The following NCKAP5 variants were observed in gnomAD, a reference collection of about 807,000 sequenced individuals.
NCKAP5 encodes NCK associated protein 5.
A neutral mutation model predicts 167.0 loss-of-function variants in NCKAP5; 92 were observed. The ratio of observed to expected loss-of-function variants is 0.55; its 90% CI spans 0.47 to 0.66. The LOEUF (loss-of-function observed/expected upper bound fraction) is 0.66. Among genes scored for constraint, NCKAP5 ranks in the 30% least tolerant of loss-of-function variants. The pLI is 0.00. For missense variants in NCKAP5, 2,378 were observed against 2,315.0 expected (o/e 1.03, Z -0.56); for synonymous variants, 891 against 877.4 (o/e 1.02, Z -0.27).
chr2:132,723,338 A>G (rs2105410036), intron 19 of NCKAP5, among the ~76,000 whole-genome samples: 1 of 151,314 alleles, frequency 6.6e-6, no homozygotes, highest in Non-Finnish European at 1.5e-5. Context: ...TAATTTTTGT[A>G]TTTTTAGTAG....
chr2:132,940,751 C>T (rs186352544), intron 8 of NCKAP5, among the ~76,000 whole-genome samples: 2 of 150,442 alleles, frequency 1.3e-5, no homozygotes, highest in African/African-American at 4.9e-5. Context: ...CTAATCATGC[C>T]ACAAGATTAT....
the NCKAP5 span, among the ~76,000 whole-genome samples, chr2:133,581,103 T>C: frequency 6.6e-6 from 1 of 152,196 alleles, no homozygotes; most frequent in Non-Finnish European, 1.5e-5. Flanking sequence ...AAGAATGATC[T>C]CATCACAAAT....
At chr2:133,239,071 A>G (rs1308713226) in intron 4 of NCKAP5, among the ~76,000 whole-genome samples, 1 of 152,258 alleles carries the variant, frequency 6.6e-6, no homozygotes, top group Non-Finnish European at 1.5e-5. Flanking sequence ...TTGGATTCCT[A>G]TAAATATGGG....
At chr2:133,418,698 G>A (rs868825329) in intron 3 of NCKAP5, among the ~76,000 whole-genome samples, 5 of 152,150 alleles carry the variant, frequency 3.3e-5, no homozygotes, top group Non-Finnish European at 7.3e-5. Flanking sequence ...TGATTAAACT[G>A]TGACCTCTGC....
intron 19 of NCKAP5, among the ~76,000 whole-genome samples, chr2:132,685,886 C>T (rs116708300): frequency 1.4e-3 from 207 of 152,262 alleles, no homozygotes; most frequent in African/African-American, 4.8e-3. Flanking sequence ...CTATGGACAG[C>T]TGAAGACACA....
chr2:132,756,081 T>C (rs1402766227), intron 16 of NCKAP5, among the ~76,000 whole-genome samples: 1 of 151,990 alleles, frequency 6.6e-6, no homozygotes, highest in African/African-American at 2.4e-5. Flanking sequence ...AAGGGAGAAC[T>C]GGAGGAGGCC....
chr2:132,971,828 A>G (rs1006036850), intron 7 of NCKAP5, among the ~76,000 whole-genome samples: 1 of 152,180 alleles, frequency 6.6e-6, no homozygotes, highest in Non-Finnish European at 1.5e-5. Context: ...CGGCTTGTTT[A>G]AAACGCAGAT....
chr2:132,684,216 G>T (rs541681013), intron 19 of NCKAP5, among the ~76,000 whole-genome samples: 1 of 152,312 alleles, frequency 6.6e-6, no homozygotes, highest in South Asian at 2.1e-4. Flanking sequence ...AAGTATGTCT[G>T]CCCTGCATGG....
rs115569780 is a variant in NCKAP5, at chr2:132,798,279, G to A, written c.808-1550C>T. ...TCTCATCTTGCAATCTCCGGAACCC[G>A]ACAAAATACATCATACTTAGTAAGC... On this transcript the variant is annotated intron_variant, in intron 11 of 19. Transcript: ENST00000409261. Among the ~76,000 whole-genome samples, 194 of 152,224 alleles carry A rather than the reference G, an allele frequency of 1.3e-3. 1 individual carries two copies. Among genetic ancestry groups the A allele is most frequent in the African/African-American group, 4.5e-3 (187 of 41,540 alleles).
chr2:133,210,108 T>C (rs1260142621), intron 5 of NCKAP5, among the ~76,000 whole-genome samples: 1 of 151,370 alleles, frequency 6.6e-6, no homozygotes, highest in Non-Finnish European at 1.5e-5. Context: ...GAGGTCGCAG[T>C]GAGCCGAGAC....
intron 3 of NCKAP5, among the ~76,000 whole-genome samples, chr2:133,470,266 T>G (rs1575014340): frequency 1.3e-5 from 2 of 152,000 alleles, no homozygotes; most frequent in East Asian, 3.9e-4. Flanking sequence ...TGGAATACCC[T>G]GCCGTGTGAG....
chr2:132,976,242 G>A (rs2149252714), intron 7 of NCKAP5, among the ~76,000 whole-genome samples: 1 of 152,164 alleles, frequency 6.6e-6, no homozygotes, highest in South Asian at 2.1e-4. Flanking sequence ...AGCGGTTGAG[G>A]AGATACTGGT....
intron 3 of NCKAP5, among the ~76,000 whole-genome samples, chr2:133,414,948 T>A (rs1689013915): frequency 6.6e-6 from 1 of 152,194 alleles, no homozygotes; most frequent in Non-Finnish European, 1.5e-5. Context: ...TGGCCTGAGA[T>A]AAGGATTCAC....
intron 3 of NCKAP5, among the ~76,000 whole-genome samples, chr2:133,400,213 A>G (rs1559453464): frequency 6.6e-6 from 1 of 152,046 alleles, no homozygotes; most frequent in African/African-American, 2.4e-5. Context: ...CCAGCTTCCC[A>G]TTGTCACCCA....
intron 6 of NCKAP5, among the ~76,000 whole-genome samples, chr2:133,018,213 T>C (rs1412027222): frequency 6.6e-6 from 1 of 152,084 alleles, no homozygotes; most frequent in Non-Finnish European, 1.5e-5. Context: ...ACCTGGGCGG[T>C]GCAGGGGTTC....
chr2:132,916,085 A>G (rs1694851889), intron 8 of NCKAP5, among the ~76,000 whole-genome samples: 1 of 152,026 alleles, frequency 6.6e-6, no homozygotes, highest in Admixed American at 6.6e-5. Context: ...CAGTGAGCAG[A>G]GGCAATGCTC....
At chr2:132,932,626 C>T (rs193240746) in intron 8 of NCKAP5, among the ~76,000 whole-genome samples, 28 of 152,254 alleles carry the variant, frequency 1.8e-4, no homozygotes, top group Admixed American at 1.1e-3. Flanking sequence ...TGTAAACAGT[C>T]GTACTAGCTG....
intron 3 of NCKAP5, among the ~76,000 whole-genome samples, chr2:133,484,646 C>T (rs1196188525): frequency 2.6e-5 from 4 of 152,144 alleles, no homozygotes; most frequent in Non-Finnish European, 4.4e-5. Context: ...CTTTGCTTTT[C>T]TAATAGTTCA....
At chr2:133,652,887 C>A in the NCKAP5 span, among the ~76,000 whole-genome samples, 2 of 152,228 alleles carry the variant, frequency 1.3e-5, no homozygotes. Flanking sequence ...TTTGTTCTAT[C>A]CCGGTAGATC....
Sources: allele counts gnomAD v4.1 joint callset (sites outside exome capture counted in the v4.1 genomes callset), GRCh38; gene constraint gnomAD v4.1.1; transcripts MANE v1.5; gene names NCBI Gene and HGNC (gene_info 2026-07-23, HGNC 2026-07-21).